The following CDC45 variants were observed in gnomAD, a reference collection of about 807,000 sequenced individuals.
CDC45 encodes the protein cell division cycle 45.
A neutral mutation model predicts 77.8 loss-of-function variants in CDC45; 54 were observed. The observed-to-expected ratio is 0.69, with a 90% CI of 0.56 to 0.87. CDC45 has a LOEUF of 0.87. Among genes scored for constraint, CDC45 ranks in the 40% least tolerant of loss-of-function variants. The pLI, the probability that CDC45 is intolerant of heterozygous loss-of-function variation, is 0.00. For synonymous variants in CDC45, 260 were observed against 272.1 expected, an observed-to-expected ratio of 0.96 and a Z score of 0.44; for missense variants, 649 against 721.6, an observed-to-expected ratio of 0.90 and a Z score of 1.15.
At chr22:19,503,994 C>A (rs2146399602) in intron 9 of CDC45, among the ~76,000 whole-genome samples, 1 of 152,374 alleles carries the variant, frequency 6.6e-6, no homozygotes, top group South Asian at 2.1e-4. Context: ...CCATATAGTT[C>A]AATGGAACCC....
In CDC45 at chr22:19,480,369, G is replaced by A. The variant is rs1230337745; in HGVS notation, c.111+152G>A. 4.0e-6 allele frequency: 3 copies of A among 746,892 alleles called. No homozygotes were observed. The East Asian group carries it at 7.7e-5, about 19-fold the overall frequency. The allele number at this position is 746,892 out of a possible 1,614,324, so 46.3% of individuals were successfully genotyped here. A position where few individuals can be genotyped will look rare whatever the true frequency, so the allele number is the denominator to read the frequency against. On this transcript the variant is annotated intron_variant, in intron 2 of 18. Transcript: ENST00000263201. ...GAGGTGAACAGCAAGTGAGAGGAGA[G>A]AGACTCGGAGGAGAGGTTGCCTCCC...
chr22:19,519,095 A>G lies in CDC45; in HGVS notation c.*1+186A>G, dbSNP rs143202670. Among the ~76,000 whole-genome samples the G allele has an allele frequency of 1.7e-3, 265 of 152,288 alleles. 1 individual carries two copies. The highest frequency in any genetic ancestry group is 5.6e-3 in the African/African-American group (232 of 41,580). ...TCCTTAGGCTGCCAGCAGGGCCACA[A>G]TGGGGCATTTTGAGGCAGCTAATTT... On this transcript the variant is annotated intron_variant, in intron 18 of 18. Transcript: ENST00000263201.
At chr22:19,509,818 A>G (rs1471746272) in intron 13 of CDC45, among the ~76,000 whole-genome samples, 1 of 152,134 alleles carries the variant, frequency 6.6e-6, no homozygotes, top group Non-Finnish European at 1.5e-5. Flanking sequence ...GTAAAGATGC[A>G]TATGTATATA....
At chr22:19,487,775 G>C (rs1348049945) in intron 5 of CDC45, among the ~76,000 whole-genome samples, 1 of 151,766 alleles carries the variant, frequency 6.6e-6, no homozygotes, top group East Asian at 1.9e-4. Context: ...TCCCGGGCAT[G>C]GTGGCAGGAG....
chr22:19,493,472 T>C (rs2090188343), intron 5 of CDC45, among the ~76,000 whole-genome samples: 1 of 151,804 alleles, frequency 6.6e-6, no homozygotes, highest in African/African-American at 2.4e-5. Flanking sequence ...TGAGGCAGAG[T>C]CTTGCTCTGT....
chr22:19,499,262 A>C (rs2090297748), intron 9 of CDC45, 111 bp downstream of exon 9: 1 of 1,067,052 alleles, frequency 9.4e-7, no homozygotes, highest in African/African-American at 1.6e-5. Context: ...TCCTATTGAG[A>C]AGTGAGGACT....
intron 7 of CDC45, 40 bp downstream of exon 7, chr22:19,496,069 T>C: frequency 2.2e-6 from 3 of 1,363,862 alleles, no homozygotes; most frequent in Non-Finnish European, 3.1e-6. Flanking sequence ...AAGTTCTGAC[T>C]CCAGGGGTCA....
At chr22:19,508,926 T>A (rs530718458) in intron 13 of CDC45, among the ~76,000 whole-genome samples, 64 of 152,344 alleles carry the variant, frequency 4.2e-4, no homozygotes, top group Admixed American at 1.2e-3. Context: ...TTTTGATTTT[T>A]AAAATTTTCT....
At chr22:19,482,654 G>A (rs1430178262) in intron 3 of CDC45, 36 bp from the exon 4 acceptor site, 2 of 1,605,012 alleles carry the variant, frequency 1.2e-6, no homozygotes, top group Non-Finnish European at 1.7e-6. Flanking sequence ...GGGCCTCCTC[G>A]ATATAGCTAC....
chr22:19,487,092 G>T (rs2090080821), intron 5 of CDC45, among the ~76,000 whole-genome samples: 1 of 151,992 alleles, frequency 6.6e-6, no homozygotes. Context: ...TCAGGAGTTT[G>T]AGACCAGCCT....
At chr22:19,494,458 T>C (rs549677338) in intron 6 of CDC45, 76 bp downstream of exon 6, 2 of 1,589,480 alleles carry the variant, frequency 1.3e-6, no homozygotes, top group African/African-American at 2.7e-5. Context: ...CCCATACCTC[T>C]GACTTCCTGT....
In CDC45 at chr22:19,507,513, A is replaced by G. The variant is rs1231628219; in HGVS notation, c.952A>G (p.Met318Val). Residue 318 changes from methionine to valine, a missense_variant, in exon 11 of 19, where the codon ATG becomes GTG. Physicochemically the swap from Met to Val is conservative, Grantham distance 21. Transcript: ENST00000263201. ...QKRLQEFLAD[M>V]GLPLKQVKQK... ...GCGGCTCCAGGAGTTCCTTGCAGAC[A>G]TGGGGTGAGTGACTGCCTGGGCCTC... 10 of 1,614,112 alleles carry G rather than the reference A, an allele frequency of 6.2e-6. No homozygotes were observed. The highest frequency in any genetic ancestry group is 8.5e-6 in the Non-Finnish European group (10 of 1,180,038).
intron 15 of CDC45, among the ~76,000 whole-genome samples, chr22:19,515,681 C>G (rs1933747265): frequency 6.6e-6 from 1 of 152,172 alleles, no homozygotes; most frequent in Non-Finnish European, 1.5e-5. Flanking sequence ...GTTCTATCAA[C>G]CAGGTAATGT....
intron 9 of CDC45, among the ~76,000 whole-genome samples, chr22:19,499,805 C>T (rs945125189): frequency 1.3e-5 from 2 of 152,204 alleles, no homozygotes; most frequent in Non-Finnish European, 2.9e-5. Flanking sequence ...TAGGGATTGG[C>T]ATGGACCTAG....
Position 19,514,746 on chromosome 22 carries a change from C to T in CDC45, c.1218-3C>T, listed in dbSNP as rs1933686971. On this transcript the variant is annotated splice_region_variant and splice_polypyrimidine_tract_variant and intron_variant, in intron 13 of 18. Transcript: ENST00000263201. ...CCAAAGCCATGTGTCTGCCCTGTTA[C>T]AGGAGTAACCTGGACAAGCTGTACC... is the stretch of plus-strand genomic sequence containing the variant. The T allele has an allele frequency of 6.2e-7, 1 of 1,601,572 alleles. No individual in the cohort carries two copies. Among genetic ancestry groups the T allele is most frequent in the Non-Finnish European group, 8.5e-7 (1 of 1,174,042 alleles).
At chr22:19,479,697 A>C, upstream of CDC45, 1 of 691,118 alleles carries the variant, frequency 1.4e-6, no homozygotes, top group South Asian at 1.5e-5. Flanking sequence ...GGTAAAAGCG[A>C]GTCAGAGTTG....
At chr22:19,514,698 C>T (rs981808481) in intron 13 of CDC45, 51 bp from the exon 14 acceptor site, 2 of 1,487,856 alleles carry the variant, frequency 1.3e-6, no homozygotes, top group African/African-American at 2.8e-5. Flanking sequence ...TGGTATTTTA[C>T]CAAGAGTTCC....
chr22:19,516,861 C>A lies in CDC45; in HGVS notation c.1604C>A (p.Ser535Tyr), dbSNP rs1310293688. The change falls in exon 17 of 19, where the codon TCC (serine) becomes TAC (tyrosine). Residue 535 changes from serine (S) to tyrosine (Y), a missense_variant. Transcript: ENST00000263201. Reference sequence around the variant, plus strand: ...GAGAAGGCAGCGGAAAGCACCAGCTCCCGGATGCTGCACAACCATTTTGAC... The same window carrying A: ...GAGAAGGCAGCGGAAAGCACCAGCTACCGGATGCTGCACAACCATTTTGAC... ...AFEKAAESTSSRMLHNHFDLS... is the reference protein window; with the variant it reads ...AFEKAAESTSYRMLHNHFDLS... 14 of 1,613,974 alleles carry A rather than the reference C, an allele frequency of 8.7e-6. No homozygotes were observed. In the Admixed American group the frequency reaches 2.3e-4, roughly 27 times the overall value.
rs2090024037 is a variant in CDC45 at position 19,483,901 on chromosome 22, C to G, written c.382C>G (p.Pro128Ala). Residue 128 changes from proline to alanine, a missense_variant, in exon 5 of 19, where the codon CCC (proline) becomes GCC (alanine). Physicochemically the swap from Pro to Ala is conservative, Grantham distance 27. Transcript: ENST00000263201. Reference sequence around the variant, plus strand: ...TAAACAAGATGATGACCTTGAAGTTCCCGCCTATGAAGACATCTTCAGGGA... The same window carrying G: ...TAAACAAGATGATGACCTTGAAGTTGCCGCCTATGAAGACATCTTCAGGGA... Reference protein sequence around the residue: ...LIKQDDDLEVPAYEDIFRDEE... With the variant: ...LIKQDDDLEVAAYEDIFRDEE... 3.1e-6 allele frequency: 5 copies of G among 1,613,206 alleles called. No homozygotes were observed. The highest frequency in any genetic ancestry group is 1.3e-5 in the African/African-American group (1 of 74,868).
Sources: gnomAD v4.1 joint callset for allele counts (sites outside exome capture counted in the v4.1 genomes callset) on GRCh38, gnomAD v4.1.1 for gene constraint, MANE v1.5 for transcripts, NCBI Gene and HGNC (gene_info 2026-07-23, HGNC 2026-07-21) for gene names.